Variants in CCDC200 observed in about 807,000 individuals in gnomAD.
CCDC200 encodes coiled-coil domain-containing protein 200.
In CCDC200 at chr17:43,226,955, T is replaced by G. The variant is rs192123206; in HGVS notation, c.105+1495A>C. 6.6e-4 allele frequency among the ~76,000 whole-genome samples: 100 copies of G among 152,280 alleles called. No homozygotes were observed. The East Asian group carries it at 0.018, about 27-fold the overall frequency. On this transcript the variant is annotated intron_variant, in intron 1 of 3. Transcript: ENST00000636331. ...AAATTTTTCCAGTATGTATGTTGTT[T>G]TAAAATATTTATATTTTTGTTGTTG...
intron 1 of CCDC200, among the ~76,000 whole-genome samples, chr17:43,225,604 A>G (rs1479118652): frequency 7.8e-6 from 1 of 127,586 alleles, no homozygotes; most frequent in Non-Finnish European, 1.7e-5. Context: ...CGGAGGTTGC[A>G]GTGAGCCAGG....
chr17:43,230,823 A>C (rs2057593403), upstream of CCDC200, among the ~76,000 whole-genome samples: 2 of 92,274 alleles, frequency 2.2e-5, 1 homozygote, highest in Non-Finnish European at 5.8e-5. Context: ...TACTAAAAGT[A>C]CAAAAAAATT....
intron 3 of CCDC200, among the ~76,000 whole-genome samples, chr17:43,222,765 T>C (rs765978383): frequency 0.023 from 3,177 of 139,704 alleles, 61 homozygotes; most frequent in Non-Finnish European, 0.033. Flanking sequence ...GTTTTGTTTT[T>C]TTTTTTCGTT....
chr17:43,222,676 A>G (rs1216437715), intron 3 of CCDC200, among the ~76,000 whole-genome samples: 3 of 150,222 alleles, frequency 2.0e-5, no homozygotes, highest in African/African-American at 7.4e-5. Context: ...CGGCAGCCTC[A>G]ACCTCTGGTG....
intron 1 of CCDC200, among the ~76,000 whole-genome samples, chr17:43,225,994 A>G (rs1443100944): frequency 2.6e-5 from 4 of 151,916 alleles, no homozygotes; most frequent in African/African-American, 4.8e-5. Context: ...GGCCTCCCAA[A>G]GTGCTGGGAT....
intron 1 of CCDC200, among the ~76,000 whole-genome samples, chr17:43,225,891 G>A (rs753666165): frequency 1.3e-5 from 2 of 148,614 alleles, no homozygotes; most frequent in Admixed American, 6.8e-5. Flanking sequence ...GTGCCACCAC[G>A]CCAAGCTAAT....
chr17:43,226,717 A>G (rs371288344), intron 1 of CCDC200, among the ~76,000 whole-genome samples: 1 of 152,112 alleles, frequency 6.6e-6, no homozygotes, highest in African/African-American at 2.4e-5. Context: ...ACTTAACCCC[A>G]TGCATCCAAA....
chr17:43,225,016 C>T (rs1487416595), intron 1 of CCDC200: 1 of 151,940 alleles, frequency 6.6e-6, no homozygotes, highest in African/African-American at 2.4e-5. Flanking sequence ...AGGTGCACAC[C>T]ACCATGCCCG....
At chr17:43,225,824 C>T (rs7406399) in intron 1 of CCDC200, among the ~76,000 whole-genome samples, 40,243 of 139,192 alleles carry the variant, frequency 0.29, 6,478 homozygotes, top group South Asian at 0.48. Flanking sequence ...ACCTCTGCTT[C>T]CTGAGTTCAA....
rs569274484 is a variant in CCDC200, at chr17:43,225,899, A to G, written c.106-1350T>C. On this transcript the variant is annotated intron_variant, in intron 1 of 3. Coordinates refer to ENST00000636331, the MANE Select transcript of CCDC200 (RefSeq NM_001363254.2). ...TAGGCATGTGCCACCACGCCAAGCT[A>G]ATTTTTGTATTTTTAGTAGAGGCGG... Among the ~76,000 whole-genome samples, 194 of 148,650 alleles carry G rather than the reference A, an allele frequency of 1.3e-3. 1 individual carries two copies. Among genetic ancestry groups the G allele is most frequent in the Non-Finnish European group, 2.2e-3 (147 of 67,020 alleles).
intron 3 of CCDC200, among the ~76,000 whole-genome samples, chr17:43,223,245 A>T (rs199637158): frequency 0.4 from 27,054 of 67,938 alleles, 6,500 homozygotes; most frequent in East Asian, 0.59. Context: ...AATTTTTTTC[A>T]ATTTTTTTTT....
intron 3 of CCDC200, among the ~76,000 whole-genome samples, chr17:43,222,780 T>G (rs2057542211): frequency 1.3e-5 from 2 of 150,638 alleles, no homozygotes; most frequent in African/African-American, 4.9e-5. Flanking sequence ...TTCGTTTTTT[T>G]TTTTTTTTTA....
chr17:43,223,246 A>ATTCT (rs2057545769), intron 3 of CCDC200, among the ~76,000 whole-genome samples: 1 of 84,830 alleles, frequency 1.2e-5, no homozygotes, highest in South Asian at 4.3e-4. Context: ...ATTTTTTTCA[A>ATTCT]TTTTTTTTTT....
At chr17:43,225,234 A>G (rs1301436274) in intron 1 of CCDC200, among the ~76,000 whole-genome samples, 2 of 151,750 alleles carry the variant, frequency 1.3e-5, no homozygotes, top group Non-Finnish European at 2.9e-5. Context: ...GGGTCCCCCT[A>G]TGTTGCCTAG....
chr17:43,227,271 G>A (rs1944831787), intron 1 of CCDC200, among the ~76,000 whole-genome samples: 1 of 151,872 alleles, frequency 6.6e-6, no homozygotes, highest in African/African-American at 2.4e-5. Flanking sequence ...GAGCCACTGT[G>A]CCCGGCTGGG....
chr17:43,226,932 A>C (rs1172383415), intron 1 of CCDC200, among the ~76,000 whole-genome samples: 1 of 151,960 alleles, frequency 6.6e-6, no homozygotes, highest in South Asian at 2.1e-4. Context: ...CATGCTTAAA[A>C]TTTTTCCAGT....
intron 1 of CCDC200, among the ~76,000 whole-genome samples, chr17:43,226,753 G>A (rs1171737082): frequency 1.3e-5 from 2 of 152,104 alleles, no homozygotes; most frequent in Non-Finnish European, 2.9e-5. Flanking sequence ...TATCAGTGAA[G>A]TATTTTATAT....
At position 43,225,808 on chromosome 17, in the gene CCDC200, A is replaced by G. The variant is rs532870427; in HGVS notation, c.106-1259T>C. ...GAGTGCAATGGCCTGATCTTGGCTCATTGCAACCTCTGCTTCCTGAGTTCA... is the reference window on the plus strand; with the variant it reads ...GAGTGCAATGGCCTGATCTTGGCTCGTTGCAACCTCTGCTTCCTGAGTTCA... On this transcript the variant is annotated intron_variant, in intron 1 of 3. Transcript: ENST00000636331. 4.3e-5 allele frequency among the ~76,000 whole-genome samples: 6 copies of G among 137,976 alleles called. No homozygotes were observed. In the South Asian group the frequency reaches 1.5e-3, roughly 34 times the overall value. The allele number at this position is 137,976 out of a possible 152,430, so 90.5% of individuals were successfully genotyped here.
intron 3 of CCDC200, among the ~76,000 whole-genome samples, chr17:43,222,535 A>G (rs925771171): frequency 7.9e-5 from 12 of 151,090 alleles, no homozygotes; most frequent in African/African-American, 2.4e-4. Context: ...TGTATCATCT[A>G]TCATTTTATG....
Sources: gnomAD v4.1 joint callset for allele counts (sites outside exome capture counted in the v4.1 genomes callset) on GRCh38, gnomAD v4.1.1 for gene constraint, MANE v1.5 for transcripts, NCBI Gene and HGNC (gene_info 2026-07-23, HGNC 2026-07-21) for gene names.